The following PLOD2 variants were observed in gnomAD, a reference collection of about 807,000 sequenced individuals.
PLOD2 encodes the protein procollagen-lysine,2-oxoglutarate 5-dioxygenase 2, also known as lysine hydroxylase 2.
In PLOD2, 65 loss-of-function variants were observed where a neutral mutation model predicts 101.0. That is an observed-to-expected ratio of 0.64 (90% confidence interval 0.53 to 0.79). The LOEUF is 0.79. Ranked by LOEUF, PLOD2 falls within the 30% of genes least tolerant of loss-of-function variation. The pLI, the probability that PLOD2 is intolerant of heterozygous loss-of-function variation, is 0.00. For missense variants in PLOD2, 909 were observed against 914.6 expected (o/e 0.99, Z 0.08); for synonymous variants, 314 against 302.9 (o/e 1.04, Z -0.38).
intron 2 of PLOD2, among the ~76,000 whole-genome samples, chr3:146,123,589 T>C (rs2030332298): frequency 6.6e-6 from 1 of 152,104 alleles, no homozygotes; most frequent in Non-Finnish European, 1.5e-5. Flanking sequence ...CACATTTGTT[T>C]CTAATTCCCT....
At chr3:146,106,676 T>C in intron 4 of PLOD2, 32 bp from the exon 5 acceptor site, 1 of 1,161,746 alleles carries the variant, frequency 8.6e-7, no homozygotes, top group Non-Finnish European at 1.3e-6. Flanking sequence ...GTAGATAATT[T>C]AGGATTCAAA....
intron 3 of PLOD2, among the ~76,000 whole-genome samples, chr3:146,115,108 TTC>T (rs1170186486): frequency 2.0e-5 from 3 of 152,084 alleles, no homozygotes; most frequent in Non-Finnish European, 4.4e-5. Flanking sequence ...GCTTTAAAAT[TTC>T]TCTCTTTTGT....
At chr3:146,133,210 T>A (rs2031027285) in intron 1 of PLOD2, among the ~76,000 whole-genome samples, 1 of 152,086 alleles carries the variant, frequency 6.6e-6, no homozygotes, top group Admixed American at 6.6e-5. Context: ...ATTTTCCTAG[T>A]ATGAGGTGTA....
rs115199093 is a variant in PLOD2, at chr3:146,076,820, A to G, written c.1639T>C (p.Tyr547His). Residue 547 changes from tyrosine (Y) to histidine (H), a missense_variant, in exon 15 of 20, where the codon TAT becomes CAT. Physicochemically the swap from Tyr to His is moderately conservative, Grantham distance 83 (BLOSUM62 2). Coordinates refer to ENST00000282903, the MANE Select transcript of PLOD2 (RefSeq NM_182943.3). ...LSTANYNTSHYNNDLWQIFEN... is the reference protein window; with the variant it reads ...LSTANYNTSHHNNDLWQIFEN... ...AAAATCTGCCAGAGGTCATTGTTAT[A>G]ATGGGAAGTATTGTAATTAGCAGTG... 535 of 1,585,412 alleles carry G rather than the reference A, an allele frequency of 3.4e-4. 2 individuals carry two copies. The African/African-American group carries it at 5.6e-3, about 17-fold the overall frequency.
At chr3:146,147,057 T>C (rs954411836) in intron 1 of PLOD2, among the ~76,000 whole-genome samples, 1 of 151,136 alleles carries the variant, frequency 6.6e-6, no homozygotes, top group Non-Finnish European at 1.5e-5. Flanking sequence ...ATACGATCTC[T>C]ATCCTCTTGC....
At chr3:146,080,092 T>C (rs960702970) in intron 12 of PLOD2, among the ~76,000 whole-genome samples, 5 of 151,934 alleles carry the variant, frequency 3.3e-5, no homozygotes, top group African/African-American at 1.2e-4. Flanking sequence ...AACGGAAATA[T>C]GATATTATGT....
rs558261347 is a variant in PLOD2 at position 146,158,154 on chromosome 3, C to A, written c.109+2727G>T. On this transcript the variant is annotated intron_variant, in intron 1 of 19. Transcript: ENST00000282903. The stretch of plus-strand genomic sequence containing the variant: ...CTTGGCAGGAATACATCCACCTTCT[C>A]CTTATCCCATCTAGAAGGCAGAAAG... Among the ~76,000 whole-genome samples the A allele has an allele frequency of 2.6e-4, 40 of 152,200 alleles. No homozygotes were observed. The Middle Eastern group carries it at 0.01, about 39-fold the overall frequency.
chr3:146,082,820 G>A (rs1188382586), intron 11 of PLOD2, among the ~76,000 whole-genome samples: 1 of 152,066 alleles, frequency 6.6e-6, no homozygotes, highest in Admixed American at 6.6e-5. Flanking sequence ...GCTTGAACCC[G>A]GGAGGCGGAG....
At chr3:146,160,767 G>A (rs1249336956) in intron 1 of PLOD2, 114 bp downstream of exon 1, 1 of 706,782 alleles carries the variant, frequency 1.4e-6, no homozygotes, top group East Asian at 2.8e-5. Context: ...CTGGAGAGGA[G>A]GGACAGGCCC....
chr3:146,105,321 A>G (rs1414536960), intron 5 of PLOD2: 1 of 152,148 alleles, frequency 6.6e-6, no homozygotes, highest in African/African-American at 2.4e-5. Flanking sequence ...CCTCTTAGGG[A>G]TTTCATTATC....
chr3:146,132,649 C>A (rs2030987115), intron 1 of PLOD2, among the ~76,000 whole-genome samples: 1 of 151,892 alleles, frequency 6.6e-6, no homozygotes, highest in Admixed American at 6.6e-5. Context: ...AGTGATATAC[C>A]CACATGTGTG....
At chr3:146,122,559 G>A (rs1044423075) in intron 2 of PLOD2, among the ~76,000 whole-genome samples, 3 of 152,092 alleles carry the variant, frequency 2.0e-5, no homozygotes, top group African/African-American at 4.8e-5. Flanking sequence ...TAATTCAGTC[G>A]GTCTGAGGGG....
rs3842573 is a variant in PLOD2 at position 146,110,469 on chromosome 3, G to GT, written c.339-22dup. ...CAAAGCTGTTCAATGAGGAAAAAAT[G>GT]TGTTTTAAAATACACTTGTCAGAAT... On this transcript the variant is annotated intron_variant, in intron 3 of 19. Transcript: ENST00000282903. 0.43 allele frequency: 692,938 copies of GT among 1,598,412 alleles called. 152,545 individuals are homozygous for GT. The highest frequency in any genetic ancestry group is 0.51 in the East Asian group (23,000 of 44,712).
chr3:146,097,792 C>CGAT (rs1937254010), intron 7 of PLOD2, among the ~76,000 whole-genome samples: 1 of 16,730 alleles, frequency 6.0e-5, no homozygotes, highest in Non-Finnish European at 1.4e-4. Flanking sequence ...CAAGAATGAT[C>CGAT]AATAAAAAAA....
At chr3:146,114,052 C>T (rs1363450579) in intron 3 of PLOD2, among the ~76,000 whole-genome samples, 5 of 152,158 alleles carry the variant, frequency 3.3e-5, no homozygotes, top group Admixed American at 1.3e-4. Flanking sequence ...TCTGGTAGCA[C>T]TCCCAGGCCT....
intron 16 of PLOD2, 59 bp downstream of exon 16, chr3:146,073,228 A>G (rs1369238125): frequency 2.9e-6 from 2 of 680,320 alleles, no homozygotes; most frequent in African/African-American, 1.8e-5. Flanking sequence ...AGTATTAATA[A>G]TATTTCTTCT....
intron 1 of PLOD2, among the ~76,000 whole-genome samples, chr3:146,148,935 C>T (rs1019051245): frequency 1.3e-5 from 2 of 152,258 alleles, no homozygotes; most frequent in Non-Finnish European, 2.9e-5. Context: ...CCATTTGTTA[C>T]GGTTAATATG....
At chr3:146,145,159 C>T (rs1011890999) in intron 1 of PLOD2, among the ~76,000 whole-genome samples, 1 of 152,146 alleles carries the variant, frequency 6.6e-6, no homozygotes, top group Admixed American at 6.5e-5. Context: ...ACATCCTAGG[C>T]ATATCACCAA....
intron 2 of PLOD2, among the ~76,000 whole-genome samples, 179 bp downstream of exon 2, chr3:146,123,959 T>C (rs1165657650): frequency 6.6e-6 from 1 of 152,026 alleles, no homozygotes; most frequent in African/African-American, 2.4e-5. Flanking sequence ...ACCTCAAGCA[T>C]TTACCACCAT....
Sources: gnomAD v4.1 joint callset for allele counts (sites outside exome capture counted in the v4.1 genomes callset) on GRCh38, gnomAD v4.1.1 for gene constraint, MANE v1.5 for transcripts, NCBI Gene and HGNC (gene_info 2026-07-23, HGNC 2026-07-21) for gene names.